The following CCDC18 variants were observed in gnomAD, a reference collection of about 807,000 sequenced individuals.
CCDC18 encodes coiled-coil domain containing 18.
A neutral mutation model predicts 196.0 loss-of-function variants in CCDC18; 157 were observed. The ratio of observed to expected loss-of-function variants is 0.80; its 90% confidence interval spans 0.70 to 0.91. The LOEUF (loss-of-function observed/expected upper bound fraction) is 0.91. Among genes scored for constraint, CCDC18 ranks in the 40% least tolerant of loss-of-function variants. CCDC18 has a pLI of 0.00. For synonymous variants in CCDC18, 482 were observed against 529.2 expected (o/e 0.91, Z 1.22); for missense variants, 1,465 against 1,611.6 (o/e 0.91, Z 1.56).
intron 21 of CCDC18, among the ~76,000 whole-genome samples, chr1:93,242,154 A>G (rs1481849472): frequency 2.6e-5 from 4 of 152,214 alleles, no homozygotes; most frequent in Admixed American, 2.6e-4. Flanking sequence ...TCATCATCAG[A>G]TGAATGGATA....
At chr1:93,221,586 GA>G (rs759476494) in intron 14 of CCDC18, 22 bp from the exon 15 acceptor site, 1 of 1,437,136 alleles carries the variant, frequency 7.0e-7, no homozygotes, top group Non-Finnish European at 9.2e-7. Context: ...TATTTAATAT[GA>G]AAATTCTGTT....
Position 93,226,324 on chromosome 1 carries a change from C to G in CCDC18, c.2176-9C>G. The G allele has an allele frequency of 3.9e-5, 24 of 619,784 alleles. No homozygotes were observed. The highest frequency in any genetic ancestry group is 5.0e-5 in the Non-Finnish European group (22 of 436,796). 38.4% of individuals were successfully genotyped at this position (619,784 alleles called of 1,614,324 possible). A position where few individuals can be genotyped will look rare whatever the true frequency, so the allele number is the denominator to read the frequency against. On this transcript the variant is annotated splice_polypyrimidine_tract_variant and intron_variant, in intron 16 of 28. Coordinates refer to ENST00000690025, the MANE Select transcript of CCDC18 (RefSeq NM_001378204.1). ...TTTTTTTTTTTTTTTTGCTTTTTTT[C>G]CTGCTTAGGTTAGGCAACTAGATTC...
At chr1:93,252,019 GTCTATCTA>G (rs55887771) in intron 23 of CCDC18, among the ~76,000 whole-genome samples, 3 of 150,250 alleles carry the variant, frequency 2.0e-5, no homozygotes, top group Non-Finnish European at 4.4e-5. Flanking sequence ...CTATCTGTCT[GTCTATCTA>G]TCTATCTATC....
intron 23 of CCDC18, among the ~76,000 whole-genome samples, chr1:93,249,247 G>C (rs540613109): frequency 2.6e-4 from 39 of 152,108 alleles, no homozygotes; most frequent in African/African-American, 8.7e-4. Context: ...CCAATTTGTT[G>C]GTATGTAGTT....
intron 6 of CCDC18, 46 bp downstream of exon 6, chr1:93,193,790 G>A (rs1377951810): frequency 1.4e-6 from 2 of 1,433,118 alleles, no homozygotes; most frequent in East Asian, 2.7e-5. Flanking sequence ...GGGAATAAAA[G>A]GAAATATTAC....
chr1:93,222,627 C>T (rs1017307099), intron 16 of CCDC18, among the ~76,000 whole-genome samples: 4 of 152,112 alleles, frequency 2.6e-5, no homozygotes, highest in Non-Finnish European at 5.9e-5. Context: ...AGTGCTTACC[C>T]ACTCACTGTA....
chr1:93,187,299 T>G (rs1013134748), intron 4 of CCDC18, among the ~76,000 whole-genome samples: 1 of 152,058 alleles, frequency 6.6e-6, no homozygotes, highest in African/African-American at 2.4e-5. Context: ...ATATATGTAG[T>G]CACTTAAAAC....
chr1:93,180,175 G>A, upstream of CCDC18: 1 of 1,613,488 alleles, frequency 6.2e-7, no homozygotes, highest in Non-Finnish European at 8.5e-7. Flanking sequence ...GGCCGCCCCA[G>A]GCAGCAGCAC....
intron 17 of CCDC18, among the ~76,000 whole-genome samples, chr1:93,230,313 C>A (rs1376477044): frequency 6.6e-6 from 1 of 151,282 alleles, no homozygotes; most frequent in Non-Finnish European, 1.5e-5. Flanking sequence ...CGGTGAAACC[C>A]CATCTCTATT....
intron 23 of CCDC18, among the ~76,000 whole-genome samples, chr1:93,252,277 A>G (rs549286118): frequency 6.6e-6 from 1 of 152,272 alleles, no homozygotes; most frequent in Admixed American, 6.5e-5. Context: ...CCTGGGCTCA[A>G]GTGATCCTCT....
At chr1:93,223,310 TTGGGGAAAAA>T (rs915295533) in intron 16 of CCDC18, among the ~76,000 whole-genome samples, 1 of 152,184 alleles carries the variant, frequency 6.6e-6, no homozygotes, top group African/African-American at 2.4e-5. Flanking sequence ...GGTTTGCTGT[TTGGGGAAAAA>T]TCAAAATGAG....
In CCDC18 at chr1:93,278,534, CT is replaced by C; in HGVS notation, c.*59del. 1 of 953,522 alleles carries C rather than the reference CT, an allele frequency of 1.0e-6. No homozygotes were observed. The highest frequency in any genetic ancestry group is 1.5e-6 in the Non-Finnish European group (1 of 675,594). The allele number at this position is 953,522 out of a possible 1,614,324, so 59.1% of individuals were successfully genotyped here. On this transcript the variant is annotated 3_prime_UTR_variant, in exon 29 of 29. Coordinates refer to ENST00000690025, the MANE Select transcript of CCDC18 (RefSeq NM_001378204.1). The stretch of plus-strand genomic sequence containing the variant: ...GGAATTTTTGGTACTGTGCTGTTTA[CT>C]TATTATATGTAGCTCATACTTCATA...
intron 14 of CCDC18, 84 bp downstream of exon 14, chr1:93,217,953 G>C: frequency 8.6e-7 from 1 of 1,161,204 alleles, no homozygotes; most frequent in Non-Finnish European, 1.2e-6. Flanking sequence ...TGTAGACGAG[G>C]ACACAAAGAT....
At chr1:93,235,430 T>C (rs1659942595) in intron 18 of CCDC18, among the ~76,000 whole-genome samples, 1 of 152,156 alleles carries the variant, frequency 6.6e-6, no homozygotes, top group Non-Finnish European at 1.5e-5. Flanking sequence ...GGTTGGGAAA[T>C]GTCCATTGGA....
intron 14 of CCDC18, among the ~76,000 whole-genome samples, chr1:93,220,292 C>A (rs988908300): frequency 1.3e-5 from 2 of 152,200 alleles, no homozygotes; most frequent in African/African-American, 4.8e-5. Context: ...CAAAAATACT[C>A]TCTAGGAATG....
intron 1 of CCDC18, 64 bp downstream of exon 1, chr1:93,180,916 C>G: frequency 7.4e-7 from 1 of 1,345,038 alleles, no homozygotes; most frequent in South Asian, 1.1e-5. Flanking sequence ...GGGAAACCGG[C>G]TTACCTGGGG....
At chr1:93,209,822 G>T (rs1655309725) in intron 9 of CCDC18, among the ~76,000 whole-genome samples, 1 of 152,092 alleles carries the variant, frequency 6.6e-6, no homozygotes, top group South Asian at 2.1e-4. Context: ...CAGCATTTTG[G>T]CAGGCCAAGG....
At chr1:93,192,472 A>T (rs1013353019) in intron 5 of CCDC18, among the ~76,000 whole-genome samples, 2 of 152,214 alleles carry the variant, frequency 1.3e-5, no homozygotes, top group African/African-American at 4.8e-5. Flanking sequence ...TCACTGCGTC[A>T]CCTAGGCTGG....
intron 21 of CCDC18, among the ~76,000 whole-genome samples, chr1:93,244,271 C>A (rs1053074979): frequency 2.0e-5 from 3 of 152,176 alleles, no homozygotes; most frequent in African/African-American, 4.8e-5. Flanking sequence ...GACCTGCCCC[C>A]ATGATTCAAT....
Sources: gnomAD v4.1 joint callset for allele counts (sites outside exome capture counted in the v4.1 genomes callset) on GRCh38, gnomAD v4.1.1 for gene constraint, MANE v1.5 for transcripts, NCBI Gene and HGNC (gene_info 2026-07-23, HGNC 2026-07-21) for gene names.